Variants in TBP observed in about 807,000 individuals in gnomAD.
TBP encodes TATA-box binding protein.
Under a neutral mutation model 46.2 loss-of-function variants are expected in TBP, and 12 were observed. The observed-to-expected ratio is 0.26, with a 90% CI of 0.17 to 0.42. TBP has a LOEUF of 0.42. Among genes scored for constraint, TBP ranks in the 10% least tolerant of loss-of-function variants. The probability of loss-of-function intolerance (pLI) is 1.00; values close to 1 mark genes in which losing one functional copy is unlikely to be tolerated. For synonymous variants in TBP, 157 were observed against 148.3 expected (o/e 1.06, Z -0.42); for missense variants, 229 against 403.1 (o/e 0.57, Z 3.70).
chr6:170,557,226 C>G (rs1425545662), intron 2 of TBP, 143 bp downstream of exon 2: 2 of 761,148 alleles, frequency 2.6e-6, no homozygotes, highest in Non-Finnish European at 4.3e-6. Context: ...TTGAGAAGTT[C>G]TATTAGGCTT....
intron 6 of TBP, among the ~76,000 whole-genome samples, chr6:170,571,128 T>G (rs1376206991): frequency 1.3e-5 from 2 of 152,216 alleles, no homozygotes; most frequent in Non-Finnish European, 2.9e-5. Context: ...CAGACATAAC[T>G]ACAGGGCTCT....
chr6:170,569,009 C>T (rs1037725058), intron 5 of TBP, among the ~76,000 whole-genome samples: 9 of 151,680 alleles, frequency 5.9e-5, no homozygotes, highest in Non-Finnish European at 8.8e-5. Flanking sequence ...GATAGGGTTT[C>T]ACCATGTTGA....
At chr6:170,571,537 T>C (rs1779366175) in intron 7 of TBP, 33 bp downstream of exon 7, 3 of 1,515,698 alleles carry the variant, frequency 2.0e-6, no homozygotes, top group Admixed American at 3.4e-5. Flanking sequence ...ATCTGAAAGT[T>C]TGTAAGTGTT....
chr6:170,562,018 A>AGCAG lies in TBP; in HGVS notation c.282_283insGCAG (p.Gln95AlafsTer84), dbSNP rs1779158276. ...AGCAGCAGCAGCAGCAGCAGCAGCA[A>AGCAG]CAGGCAGTGGCAGCTGCAGCCGTTC... On this transcript the variant is annotated frameshift_variant, in exon 3 of 8. Coordinates refer to ENST00000392092, the MANE Select transcript of TBP (RefSeq NM_003194.5). LOFTEE classifies it high-confidence loss of function. The AGCAG allele has an allele frequency of 6.2e-7, 1 of 1,605,908 alleles. No individual in the cohort carries two copies. The highest frequency in any genetic ancestry group is 1.7e-5 in the Admixed American group (1 of 59,596).
rs1161848021 is a variant in TBP at position 170,572,602 on chromosome 6, AATTG to A, written c.*342_*345del. Reference sequence around the variant, plus strand: ...CTTTAAGTGTTAAAGCCACCTCTATAATTGATTGGACTTTTTAATTTTAATGTTT... The same window carrying A: ...CTTTAAGTGTTAAAGCCACCTCTATAATTGGACTTTTTAATTTTAATGTTT... On this transcript the variant is annotated 3_prime_UTR_variant, in exon 8 of 8. Transcript: ENST00000392092. The A allele has an allele frequency of 5.0e-5, 12 of 239,122 alleles. No individual in the cohort carries two copies. The highest frequency in any genetic ancestry group is 9.5e-5 in the Non-Finnish European group (12 of 125,824). 14.8% of individuals were successfully genotyped at this position (239,122 alleles called of 1,614,324 possible). A position where few individuals can be genotyped will look rare whatever the true frequency, so the allele number is the denominator to read the frequency against.
intron 6 of TBP, among the ~76,000 whole-genome samples, chr6:170,570,123 T>G (rs1462373865): frequency 6.6e-6 from 1 of 152,132 alleles, no homozygotes; most frequent in Non-Finnish European, 1.5e-5. Flanking sequence ...TCTTCTCTTT[T>G]AGTCAACATT....
At chr6:170,563,779 A>G (rs1779193159) in intron 3 of TBP, among the ~76,000 whole-genome samples, 2 of 152,244 alleles carry the variant, frequency 1.3e-5, no homozygotes, top group Non-Finnish European at 2.9e-5. Context: ...AGTTAATTGC[A>G]TTCAAAGGGC....
At chr6:170,555,163 G>C (rs1386786995) in intron 1 of TBP, among the ~76,000 whole-genome samples, 1 of 152,190 alleles carries the variant, frequency 6.6e-6, no homozygotes, top group Admixed American at 6.5e-5. Flanking sequence ...AGTAATCACT[G>C]TGCGGTTTCT....
intron 6 of TBP, among the ~76,000 whole-genome samples, chr6:170,570,209 G>A (rs1779344375): frequency 6.6e-6 from 1 of 152,166 alleles, no homozygotes; most frequent in South Asian, 2.1e-4. Context: ...CTACTTGCAG[G>A]TGAAGACTCA....
intron 3 of TBP, among the ~76,000 whole-genome samples, 152 bp from the exon 4 acceptor site, chr6:170,564,391 CAT>C (rs1256537237): frequency 6.6e-6 from 1 of 152,172 alleles, no homozygotes; most frequent in Non-Finnish European, 1.5e-5. Context: ...AAATGCTCAA[CAT>C]GTGCATGATA....
intron 5 of TBP, among the ~76,000 whole-genome samples, chr6:170,567,841 C>T (rs1779293423): frequency 6.6e-6 from 1 of 152,184 alleles, no homozygotes; most frequent in South Asian, 2.1e-4. Flanking sequence ...TACTCTGCGG[C>T]CCTGACTGTT....
At chr6:170,564,763 G>A (rs1779212691) in intron 4 of TBP, 131 bp downstream of exon 4, 1 of 431,698 alleles carries the variant, frequency 2.3e-6, no homozygotes, top group African/African-American at 2.1e-5. Context: ...GCTAATGCCT[G>A]TAATCCCAGC....
At chr6:170,559,727 G>T (rs1299836258) in intron 2 of TBP, among the ~76,000 whole-genome samples, 1 of 152,212 alleles carries the variant, frequency 6.6e-6, no homozygotes, top group Non-Finnish European at 1.5e-5. Context: ...CTAAATAATA[G>T]ATTTTTAATG....
intron 7 of TBP, 89 bp downstream of exon 7, chr6:170,571,593 G>C (rs766190205): frequency 6.9e-6 from 7 of 1,011,954 alleles, no homozygotes; most frequent in Non-Finnish European, 1.1e-5. Flanking sequence ...TTCAGTGTTC[G>C]GACAGTGGGC....
intron 4 of TBP, among the ~76,000 whole-genome samples, chr6:170,566,221 T>C (rs966182530): frequency 5.9e-5 from 9 of 152,366 alleles, no homozygotes; most frequent in Non-Finnish European, 8.8e-5. Context: ...AATTATTTGC[T>C]TTTTATCATG....
intron 3 of TBP, among the ~76,000 whole-genome samples, chr6:170,562,493 T>C (rs748196163): frequency 1.3e-5 from 2 of 152,218 alleles, no homozygotes; most frequent in African/African-American, 2.4e-5. Flanking sequence ...TAATCTGACT[T>C]TCACTGTCGT....
At chr6:170,562,650 G>A (rs1779171732) in intron 3 of TBP, among the ~76,000 whole-genome samples, 1 of 152,152 alleles carries the variant, frequency 6.6e-6, no homozygotes. Context: ...TACTATGGGT[G>A]CTGCATATAA....
At chr6:170,560,345 T>A (rs9366157) in intron 2 of TBP, among the ~76,000 whole-genome samples, 75,375 of 150,874 alleles carry the variant, frequency 0.5, 19,436 homozygotes, top group East Asian at 0.78. Flanking sequence ...CAAAAAAAAA[T>A]TTTTTTTTAA....
At chr6:170,558,212 ATACT>A (rs1387165272) in intron 2 of TBP, among the ~76,000 whole-genome samples, 1 of 152,236 alleles carries the variant, frequency 6.6e-6, no homozygotes, top group African/African-American at 2.4e-5. Context: ...TCATGGGTAA[ATACT>A]TAGGAGTAGG....
Sources: allele counts gnomAD v4.1 joint callset (sites outside exome capture counted in the v4.1 genomes callset), GRCh38; gene constraint gnomAD v4.1.1; transcripts MANE v1.5; gene names NCBI Gene and HGNC (gene_info 2026-07-23, HGNC 2026-07-21).